TP53BP2: variants seen among roughly 807,000 people sequenced by gnomAD.
TP53BP2 encodes the protein apoptosis-stimulating of p53 protein 2.
TP53BP2 carries 62 observed loss-of-function variants against 126.2 expected under a neutral mutation model. The ratio of observed to expected loss-of-function variants is 0.49; its 90% CI spans 0.40 to 0.61. The LOEUF is 0.61. Among genes scored for constraint, TP53BP2 ranks in the 20% least tolerant of loss-of-function variants. The pLI, the probability that TP53BP2 is intolerant of heterozygous loss-of-function variation, is 0.00. For missense variants in TP53BP2, 1,215 were observed against 1,402.8 expected (o/e 0.87, Z 2.14); for synonymous variants, 485 against 502.9 (o/e 0.96, Z 0.48).
At chr1:223,820,607 G>A (rs541088503) in intron 2 of TP53BP2, among the ~76,000 whole-genome samples, 91 of 152,278 alleles carry the variant, frequency 6.0e-4, no homozygotes, top group Non-Finnish European at 9.9e-4. Flanking sequence ...TGTGTGACTT[G>A]CTCTGGGGAT....
At chr1:223,827,095 A>C (rs1033036783) in intron 1 of TP53BP2, among the ~76,000 whole-genome samples, 6 of 152,196 alleles carry the variant, frequency 3.9e-5, no homozygotes, top group Non-Finnish European at 5.9e-5. Flanking sequence ...TGGAACATTC[A>C]AACGGAGACA....
At chr1:223,837,267 A>G (rs955767255) in intron 1 of TP53BP2, among the ~76,000 whole-genome samples, 2 of 152,100 alleles carry the variant, frequency 1.3e-5, no homozygotes, top group African/African-American at 4.8e-5. Flanking sequence ...AAGACAGACT[A>G]TGGCTTCCTT....
At chr1:223,830,412 T>C (rs901664406) in intron 1 of TP53BP2, among the ~76,000 whole-genome samples, 5 of 152,212 alleles carry the variant, frequency 3.3e-5, no homozygotes, top group Non-Finnish European at 7.3e-5. Context: ...CAAAAGTTAT[T>C]TACTCAAAGA....
chr1:223,805,244 G>A (rs922520835), intron 5 of TP53BP2, among the ~76,000 whole-genome samples: 5 of 148,394 alleles, frequency 3.4e-5, no homozygotes, highest in Non-Finnish European at 7.4e-5. Context: ...AACACAGTGA[G>A]AACCCATCTC....
At chr1:223,819,226 G>C (rs1004211225) in intron 2 of TP53BP2, among the ~76,000 whole-genome samples, 2 of 151,580 alleles carry the variant, frequency 1.3e-5, no homozygotes, top group South Asian at 2.1e-4. Context: ...TCCTTTACAT[G>C]TCATCATCAC....
intron 1 of TP53BP2, among the ~76,000 whole-genome samples, chr1:223,825,626 T>C (rs1229915339): frequency 6.6e-6 from 1 of 152,226 alleles, no homozygotes; most frequent in Non-Finnish European, 1.5e-5. Context: ...CTACCATCAT[T>C]CTACCTCTGT....
rs528224772 is a variant in TP53BP2, at chr1:223,798,649, G to A, written c.1514C>T (p.Pro505Leu). Residue 505 changes from proline (P) to leucine (L), a missense_variant, in exon 12 of 18, where the codon CCA becomes CTA. Physicochemically the swap from Pro to Leu is moderately conservative, Grantham distance 98. Around this residue, in one of 4 missense-constraint regions of TP53BP2, gnomAD observed 814 missense variants for 853.0 expected, o/e 0.95. Transcript: ENST00000343537. The part of the protein sequence containing the change: ...QVANKNVAKV[P>L]PPVPTKPKQI... ...TTTTGGTTTTGTAGGAACAGGAGGT[G>A]GTACTTTAGCCACATTTTTATTTGC... is the stretch of plus-strand genomic sequence containing the variant. 3 of 1,610,254 alleles carry A rather than the reference G, an allele frequency of 1.9e-6. No individual in the cohort carries two copies. Among genetic ancestry groups the A allele is most frequent in the African/African-American group, 2.7e-5 (2 of 74,830 alleles).
At position 223,789,212 on chromosome 1, in the gene TP53BP2, A is replaced by C. The variant is rs759778386; in HGVS notation, c.2997-38T>G. 14 of 1,607,456 alleles carry C rather than the reference A, an allele frequency of 8.7e-6. No homozygotes were observed. In the South Asian group the frequency reaches 1.1e-4, roughly 13 times the overall value. On this transcript the variant is annotated intron_variant, in intron 15 of 17. Transcript: ENST00000343537. ...ATACGAGGGCTAGAACTGTTTTCCT[A>C]AACTGAATGACACCTGCTGATAAGA... is the stretch of plus-strand genomic sequence containing the variant.
In TP53BP2 at chr1:223,814,253, A is replaced by AG. The variant is rs1206100374; in HGVS notation, c.275dup (p.Gly93TrpfsTer25). On this transcript the variant is annotated frameshift_variant, in exon 3 of 18. Coordinates refer to ENST00000343537, the MANE Select transcript of TP53BP2 (RefSeq NM_001031685.3). LOFTEE classifies it high-confidence loss of function. Reference sequence around the variant, plus strand: ...AGCACTACCTACCAATGTCCCTGCCAGGGGGGCGTTCATGACGAAGGAAGA... The same window carrying AG: ...AGCACTACCTACCAATGTCCCTGCCAGGGGGGGCGTTCATGACGAAGGAAGA... 2 of 1,613,220 alleles carry AG rather than the reference A, an allele frequency of 1.2e-6. No individual in the cohort carries two copies. Among genetic ancestry groups the AG allele is most frequent in the East Asian group, 2.2e-5 (1 of 44,892 alleles).
intron 16 of TP53BP2, among the ~76,000 whole-genome samples, chr1:223,784,623 TAAA>T (rs1170167208): frequency 2.0e-5 from 3 of 152,006 alleles, no homozygotes; most frequent in African/African-American, 7.2e-5. Context: ...GCTTAGGAAC[TAAA>T]AAAAGAACTG....
At chr1:223,784,965 A>G (rs1661902956) in intron 16 of TP53BP2, among the ~76,000 whole-genome samples, 1 of 152,240 alleles carries the variant, frequency 6.6e-6, no homozygotes. Flanking sequence ...AAAAATCCTC[A>G]GAAGTCCACC....
intron 7 of TP53BP2, 104 bp from the exon 8 acceptor site, chr1:223,802,999 G>A: frequency 7.9e-7 from 1 of 1,260,950 alleles, no homozygotes; most frequent in East Asian, 2.5e-5. Context: ...AAAATATGAG[G>A]TCCCTCCACC....
chr1:223,828,426 A>AT (rs1663577171), intron 1 of TP53BP2, among the ~76,000 whole-genome samples: 1 of 152,172 alleles, frequency 6.6e-6, no homozygotes. Context: ...AATAAAATTG[A>AT]TTTTTTAAGC....
At position 223,802,456 on chromosome 1, in the gene TP53BP2, A is replaced by G; in HGVS notation, c.997-112T>C. On this transcript the variant is annotated intron_variant, in intron 8 of 17. Transcript: ENST00000343537. Reference sequence around the variant, plus strand: ...TTTAAAATGAGCAGTTTCAGAATCTAGCCATAGAGTCTACAAAAAACATTC... The same window carrying G: ...TTTAAAATGAGCAGTTTCAGAATCTGGCCATAGAGTCTACAAAAAACATTC... 5 of 1,111,574 alleles carry G rather than the reference A, an allele frequency of 4.5e-6. 1 individual carries two copies. The South Asian group carries it at 8.0e-5, about 18-fold the overall frequency. 68.9% of individuals were successfully genotyped at this position (1,111,574 alleles called of 1,614,324 possible). A position where few individuals can be genotyped will look rare whatever the true frequency, so the allele number is the denominator to read the frequency against.
chr1:223,806,771 C>A, intron 5 of TP53BP2, 75 bp downstream of exon 5: 2 of 1,188,022 alleles, frequency 1.7e-6, no homozygotes, highest in Middle Eastern at 2.6e-4. Flanking sequence ...TTGCAGTGAG[C>A]CAAGATCGTG....
At chr1:223,817,717 G>C (rs1038944331) in intron 2 of TP53BP2, among the ~76,000 whole-genome samples, 2 of 151,962 alleles carry the variant, frequency 1.3e-5, no homozygotes, top group Non-Finnish European at 2.9e-5. Context: ...CTTGAGGTCA[G>C]GAGTTCAAAA....
chr1:223,807,509 A>T (rs191218151), intron 4 of TP53BP2, among the ~76,000 whole-genome samples: 33 of 152,286 alleles, frequency 2.2e-4, no homozygotes, highest in Middle Eastern at 3.4e-3. Flanking sequence ...GTAAAAAAGA[A>T]GTTCAACTGC....
intron 4 of TP53BP2, among the ~76,000 whole-genome samples, chr1:223,808,898 AT>A (rs1468319550): frequency 1.3e-5 from 2 of 152,172 alleles, no homozygotes; most frequent in Non-Finnish European, 2.9e-5. Flanking sequence ...AGAAATACAA[AT>A]TAAAACCACA....
At chr1:223,803,156 C>T (rs1442905882) in intron 7 of TP53BP2, 115 bp downstream of exon 7, 1 of 1,285,852 alleles carries the variant, frequency 7.8e-7, no homozygotes, top group African/African-American at 1.5e-5. Flanking sequence ...CCCCCCACAA[C>T]CTGCCTTCTC....
Sources: gnomAD v4.1 joint callset for allele counts (sites outside exome capture counted in the v4.1 genomes callset) on GRCh38, gnomAD v4.1.1 for gene constraint, gnomAD v4.1.1 regional missense constraint, MANE v1.5 for transcripts, NCBI Gene and HGNC (gene_info 2026-07-23, HGNC 2026-07-21) for gene names.